Variants in SYTL5 observed in about 807,000 individuals in gnomAD.
SYTL5 encodes the protein synaptotagmin like 5, also known as synaptotagmin-like protein 5.
Under a neutral mutation model 55.9 loss-of-function variants are expected in SYTL5, and 34 were observed. The ratio of observed to expected loss-of-function variants is 0.61; its 90% confidence interval spans 0.46 to 0.81. The LOEUF (loss-of-function observed/expected upper bound fraction) is 0.81, where lower values mean the gene tolerates loss of function less well. Ranked by LOEUF, SYTL5 falls within the 30% of genes least tolerant of loss-of-function variation. SYTL5 has a pLI of 0.00. For missense variants in SYTL5, 637 were observed against 546.7 expected, an observed-to-expected ratio of 1.17 and a Z score of -1.65; for synonymous variants, 221 against 188.7, an observed-to-expected ratio of 1.17 and a Z score of -1.40.
At chrX:38,053,510 G>A (rs1242132443) in intron 2 of SYTL5, among the ~76,000 whole-genome samples, 1 of 112,436 alleles carries the variant, frequency 8.9e-6, no homozygotes, top group Admixed American at 9.4e-5. Context: ...AAGCCCATAG[G>A]CTAATAGAAA....
chrX:37,952,843 T>C, the SYTL5 span, among the ~76,000 whole-genome samples: 1 of 110,408 alleles, frequency 9.1e-6, no homozygotes, highest in Non-Finnish European at 1.9e-5. Flanking sequence ...GGGGAAAGAG[T>C]CAAGGATGAC....
the SYTL5 span, among the ~76,000 whole-genome samples, chrX:37,923,352 T>C: frequency 1.8e-5 from 2 of 111,680 alleles, no homozygotes; most frequent in Non-Finnish European, 3.8e-5. Flanking sequence ...TCTCACCTGC[T>C]TGGTTACAAA....
chrX:37,995,247 A>G, the SYTL5 span, among the ~76,000 whole-genome samples: 358 of 111,566 alleles, frequency 3.2e-3, 1 homozygote, highest in East Asian at 0.012. Context: ...ACTGAGGTGC[A>G]GGAGGCTTTA....
At chrX:37,899,581 C>G in the SYTL5 span, among the ~76,000 whole-genome samples, 1 of 111,741 alleles carries the variant, frequency 8.9e-6, no homozygotes, top group Non-Finnish European at 1.9e-5. Flanking sequence ...TAGAACCAGA[C>G]ACTCCAGTCA....
chrX:38,057,835 T>C (rs1935835270), intron 3 of SYTL5, among the ~76,000 whole-genome samples: 1 of 111,543 alleles, frequency 9.0e-6, no homozygotes, highest in East Asian at 2.8e-4. Context: ...CTTTATATAT[T>C]CTACGTACAA....
At position 38,075,337 on chromosome X, in the gene SYTL5, A is replaced by T. The variant is rs181912162; in HGVS notation, c.555-1230A>T. Among the ~76,000 whole-genome samples, 16 of 111,996 alleles carry T rather than the reference A, an allele frequency of 1.4e-4. No homozygotes were observed. In the East Asian group the frequency reaches 3.9e-3, roughly 27 times the overall value. On this transcript the variant is annotated intron_variant, in intron 5 of 16. Transcript: ENST00000297875. ...TAAAAGAATTGCAGGAAAATTTAAGATGGCAATGTGAGCTTCCTAAAAGCC... is the reference window on the plus strand; with the variant it reads ...TAAAAGAATTGCAGGAAAATTTAAGTTGGCAATGTGAGCTTCCTAAAAGCC...
chrX:37,980,281 G>A, the SYTL5 span, among the ~76,000 whole-genome samples: 1 of 112,000 alleles, frequency 8.9e-6, no homozygotes, highest in Non-Finnish European at 1.9e-5. Context: ...TGCCAATAGA[G>A]GAAATACTCT....
At chrX:37,977,588 C>G in the SYTL5 span, among the ~76,000 whole-genome samples, 18 of 109,101 alleles carry the variant, frequency 1.6e-4, no homozygotes, top group East Asian at 1.1e-3. Context: ...GTATTCTGTA[C>G]TCTACTTTGT....
At chrX:37,946,625 A>G in the SYTL5 span, 2 of 131,784 alleles carry the variant, frequency 1.5e-5, no homozygotes, top group Non-Finnish European at 3.2e-5. Context: ...ATCCTTTTCT[A>G]TGCTGGTTCT....
chrX:37,997,793 GC>G, the SYTL5 span, among the ~76,000 whole-genome samples: 1 of 112,581 alleles, frequency 8.9e-6, no homozygotes, highest in Non-Finnish European at 1.9e-5. Context: ...AAAGCTGGGG[GC>G]TGGACTGCAG....
chrX:37,915,456 C>T, the SYTL5 span, among the ~76,000 whole-genome samples: 4,997 of 111,301 alleles, frequency 0.045, 281 homozygotes, highest in African/African-American at 0.15. Context: ...TATTGAAATA[C>T]GGTTATCAGA....
the SYTL5 span, among the ~76,000 whole-genome samples, chrX:37,913,591 A>G: frequency 8.9e-6 from 1 of 112,139 alleles, no homozygotes; most frequent in Non-Finnish European, 1.9e-5. Flanking sequence ...GCCTGTTGGA[A>G]CACTCTTGTA....
At chrX:38,003,221 G>C (rs1354288286), upstream of SYTL5, among the ~76,000 whole-genome samples, 1 of 111,251 alleles carries the variant, frequency 9.0e-6, no homozygotes, top group Non-Finnish European at 1.9e-5. Flanking sequence ...TGTTCCATTG[G>C]TCTATATGTC....
At chrX:38,004,765 C>T (rs1933949691), upstream of SYTL5, among the ~76,000 whole-genome samples, 2 of 110,559 alleles carry the variant, frequency 1.8e-5, no homozygotes, top group Non-Finnish European at 1.9e-5. Flanking sequence ...AATATGGTTA[C>T]CAGAGGCTGG....
chrX:38,070,137 A>G (rs1446797521), intron 3 of SYTL5, among the ~76,000 whole-genome samples: 1 of 111,793 alleles, frequency 8.9e-6, no homozygotes, highest in East Asian at 2.8e-4. Context: ...TGTTTCATAT[A>G]TAATTTACCT....
At chrX:38,080,943 A>G (rs896893851) in intron 6 of SYTL5, among the ~76,000 whole-genome samples, 1 of 111,986 alleles carries the variant, frequency 8.9e-6, no homozygotes, top group Non-Finnish European at 1.9e-5. Context: ...CGTATTAGAT[A>G]AAACATTACA....
chrX:38,077,764 C>T (rs1378743836), intron 6 of SYTL5, among the ~76,000 whole-genome samples: 1 of 112,104 alleles, frequency 8.9e-6, no homozygotes, highest in East Asian at 2.8e-4. Context: ...CTGATATATT[C>T]CCTTTTATGA....
At chrX:38,115,136 T>G (rs5964301) in intron 13 of SYTL5, among the ~76,000 whole-genome samples, 17,254 of 111,344 alleles carry the variant, frequency 0.15, 1,302 homozygotes, top group Middle Eastern at 0.28. Flanking sequence ...TTTCTATATG[T>G]TGGCTATTGT....
At chrX:38,119,334 C>T (rs1346023669) in intron 13 of SYTL5, among the ~76,000 whole-genome samples, 3 of 111,545 alleles carry the variant, frequency 2.7e-5, no homozygotes, top group Non-Finnish European at 3.8e-5. Flanking sequence ...CATCTAACTC[C>T]CTCCCACTAC....
Sources: gnomAD v4.1 joint callset for allele counts (sites outside exome capture counted in the v4.1 genomes callset) on GRCh38, gnomAD v4.1.1 for gene constraint, MANE v1.5 for transcripts, NCBI Gene and HGNC (gene_info 2026-07-23, HGNC 2026-07-21) for gene names.